Variants in LOXL1 observed in about 807,000 individuals in gnomAD.
LOXL1 encodes the protein lysyl oxidase homolog 1.
A neutral mutation model predicts 62.2 loss-of-function variants in LOXL1; 31 were observed. The ratio of observed to expected loss-of-function variants is 0.50; its 90% confidence interval spans 0.37 to 0.67. LOXL1 has a LOEUF of 0.67. Among genes scored for constraint, LOXL1 ranks in the 30% least tolerant of loss-of-function variants. LOXL1 has a pLI of 0.00. For missense variants in LOXL1, 775 were observed against 843.4 expected, an observed-to-expected ratio of 0.92 and a Z score of 1.00; for synonymous variants, 403 against 384.4, an observed-to-expected ratio of 1.05 and a Z score of -0.56.
rs866118845 is a variant in LOXL1 at position 73,926,896 on chromosome 15, G to A, written c.113G>A (p.Arg38His). The A allele has an allele frequency of 8.9e-6, 14 of 1,564,532 alleles. No individual in the cohort carries two copies. The African/African-American group carries it at 1.6e-4, about 18-fold the overall frequency. ...AQPGQGSDPA[R>H]WRQLIQWENN... ...CCCGGGCAGGGCTCGGACCCCGCCC[G>A]CTGGCGGCAGCTGATCCAGTGGGAG... is the stretch of plus-strand genomic sequence containing the variant. Residue 38 changes from arginine to histidine, a missense_variant, in exon 1 of 7, where the codon CGC (arginine) becomes CAC (histidine). By Grantham distance (29) the Arg-to-His change is conservative. Transcript: ENST00000261921.
chr15:73,942,989 G>T, intron 2 of LOXL1, 27 bp downstream of exon 2: 2 of 1,570,942 alleles, frequency 1.3e-6, no homozygotes, highest in Non-Finnish European at 1.8e-6. Flanking sequence ...GAAGTGTAGA[G>T]TGTTGGGATA....
At chr15:73,928,106 G>A (rs2068604903) in intron 1 of LOXL1, 1 of 413,480 alleles carries the variant, frequency 2.4e-6, no homozygotes. Context: ...AGTGCCAGGG[G>A]TTGGCCAGGC....
chr15:73,927,194 G>C lies in LOXL1; in HGVS notation c.411G>C (p.Thr137=). 2 of 1,574,788 alleles carry C rather than the reference G, an allele frequency of 1.3e-6. No individual in the cohort carries two copies. The highest frequency in any genetic ancestry group is 1.7e-6 in the Non-Finnish European group (2 of 1,165,432). ...NWREVAVGDS[T]GMARARTSVS... ...GCGAGGTGGCCGTCGGGGACAGCAC[G>C]GGCATGGCCCGGGCCCGCACCTCCG... Residue 137 remains threonine, a synonymous_variant, in exon 1 of 7, where the codon ACG becomes ACC. Transcript: ENST00000261921.
At chr15:73,939,339 G>GC (rs956576400) in intron 1 of LOXL1, among the ~76,000 whole-genome samples, 2 of 152,150 alleles carry the variant, frequency 1.3e-5, no homozygotes, top group Non-Finnish European at 2.9e-5. Flanking sequence ...TGAGGGTGAG[G>GC]CGGGGGGGCC....
At position 73,927,830 on chromosome 15, in the gene LOXL1, G is replaced by A; in HGVS notation, c.1047G>A (p.Ala349=). ...CGCCGGGTGGGGAGCGGAACGGCGC[G>A]CAGCAGGGCCGCCTCAGCGTGGGCA... The part of the protein sequence containing the change: ...TPPPGGERNG[A]QQGRLSVGSV... Residue 349 remains alanine, a synonymous_variant, in exon 1 of 7, where the codon GCG becomes GCA. Coordinates refer to ENST00000261921, the MANE Select transcript of LOXL1 (RefSeq NM_005576.4). 1.5e-6 allele frequency: 2 copies of A among 1,348,788 alleles called. No individual in the cohort carries two copies. The highest frequency in any genetic ancestry group is 1.9e-6 in the Non-Finnish European group (2 of 1,058,814). The allele number at this position is 1,348,788 out of a possible 1,614,324, so 83.6% of individuals were successfully genotyped here. A position where few individuals can be genotyped will look rare whatever the true frequency, so the allele number is the denominator to read the frequency against.
chr15:73,927,115 TGCGCGGCCAG>T lies in LOXL1; in HGVS notation c.340_349del (p.Gln114ThrfsTer310). ...CCGGGGCGCGTGGGCTCGGACACCG[TGCGCGGCCAG>T]GCGCGGCACCCATTCGGCTTTGGCC... On this transcript the variant is annotated frameshift_variant, in exon 1 of 7. Transcript: ENST00000261921. LOFTEE classifies it high-confidence loss of function. 2 of 1,360,466 alleles carry T rather than the reference TGCGCGGCCAG, an allele frequency of 1.5e-6. No homozygotes were observed. Among genetic ancestry groups the T allele is most frequent in the Non-Finnish European group, 1.9e-6 (2 of 1,050,384 alleles). The allele number at this position is 1,360,466 out of a possible 1,614,324, so 84.3% of individuals were successfully genotyped here.
intron 1 of LOXL1, among the ~76,000 whole-genome samples, chr15:73,931,076 G>T (rs2068632028): frequency 1.0e-5 from 1 of 99,940 alleles, no homozygotes; most frequent in Non-Finnish European, 2.1e-5. Flanking sequence ...TGAGCTGGGG[G>T]TCTTAGTGCC....
At chr15:73,949,676 T>A (rs1440637715) in intron 6 of LOXL1, 102 bp downstream of exon 6, 1 of 777,580 alleles carries the variant, frequency 1.3e-6, no homozygotes, top group African/African-American at 1.7e-5. Flanking sequence ...TTAGGTCACC[T>A]TGATGGCCGA....
At chr15:73,933,790 A>G (rs2068651740) in intron 1 of LOXL1, among the ~76,000 whole-genome samples, 1 of 152,270 alleles carries the variant, frequency 6.6e-6, no homozygotes, top group Non-Finnish European at 1.5e-5. Flanking sequence ...ACCTCCTTCC[A>G]ATTGCTGTGC....
chr15:73,946,858 G>T (rs13329465), intron 3 of LOXL1, among the ~76,000 whole-genome samples: 2,588 of 152,342 alleles, frequency 0.017, 70 homozygotes, highest in African/African-American at 0.06. Flanking sequence ...GGAAGTGAGG[G>T]GTCTAGAGCA....
At chr15:73,929,042 T>G (rs551951076) in intron 1 of LOXL1, among the ~76,000 whole-genome samples, 15 of 152,194 alleles carry the variant, frequency 9.9e-5, no homozygotes, top group Non-Finnish European at 1.6e-4. Context: ...GAAAGGCAGC[T>G]TCCACACATG....
intron 1 of LOXL1, among the ~76,000 whole-genome samples, chr15:73,932,764 C>T (rs1358187049): frequency 3.3e-5 from 5 of 152,246 alleles, no homozygotes; most frequent in Admixed American, 2.0e-4. Flanking sequence ...AGAAGTTAAG[C>T]GACTTGCCCT....
intron 2 of LOXL1, among the ~76,000 whole-genome samples, chr15:73,944,723 T>C (rs963086120): frequency 4.6e-5 from 7 of 152,202 alleles, no homozygotes; most frequent in African/African-American, 1.7e-4. Context: ...GCCTAGAACC[T>C]AGACCCTTAT....
At chr15:73,931,623 G>A (rs1204111943) in intron 1 of LOXL1, among the ~76,000 whole-genome samples, 1 of 152,018 alleles carries the variant, frequency 6.6e-6, no homozygotes, top group Non-Finnish European at 1.5e-5. Context: ...CTCCTTCTCT[G>A]TCCAGCCTCC....
intron 1 of LOXL1, among the ~76,000 whole-genome samples, chr15:73,937,081 TGAG>T (rs1164918703): frequency 6.6e-6 from 1 of 152,098 alleles, no homozygotes; most frequent in Non-Finnish European, 1.5e-5. Context: ...GCTTCCCCCC[TGAG>T]AAGGCCCCAG....
intron 1 of LOXL1, among the ~76,000 whole-genome samples, chr15:73,937,821 C>T (rs1395263279): frequency 3.3e-5 from 5 of 152,184 alleles, no homozygotes; most frequent in Admixed American, 6.5e-5. Context: ...TGGTGAGACC[C>T]GCCCCAGCCT....
At chr15:73,941,908 G>A (rs1186095800) in intron 1 of LOXL1, 7 of 219,648 alleles carry the variant, frequency 3.2e-5, no homozygotes, top group Non-Finnish European at 5.1e-5. Context: ...TGCCCAGGGA[G>A]GAAGGTGGAG....
At position 73,927,338 on chromosome 15, in the gene LOXL1, C is replaced by A. The variant is rs2141617602; in HGVS notation, c.555C>A (p.Val185=). ...QQFPYPQAPF[V]SQYENYDPAS... is the part of the protein sequence containing the mutation. The stretch of plus-strand genomic sequence containing the variant: ...TCCCCTACCCGCAGGCGCCCTTCGT[C>A]AGCCAGTACGAGAACTACGACCCCG... The change falls in exon 1 of 7, where the codon GTC becomes GTA. Residue 185 remains valine, a synonymous_variant. Transcript: ENST00000261921. 3 of 1,601,956 alleles carry A rather than the reference C, an allele frequency of 1.9e-6. No individual in the cohort carries two copies. The highest frequency in any genetic ancestry group is 2.2e-5 in the South Asian group (2 of 89,740).
intron 1 of LOXL1, among the ~76,000 whole-genome samples, chr15:73,933,724 A>G (rs1378173454): frequency 6.6e-6 from 1 of 152,238 alleles, no homozygotes; most frequent in Non-Finnish European, 1.5e-5. Context: ...AGTGGCTGAC[A>G]TGGGCAGGAG....
Sources: allele counts gnomAD v4.1 joint callset (sites outside exome capture counted in the v4.1 genomes callset), GRCh38; gene constraint gnomAD v4.1.1; transcripts MANE v1.5; gene names NCBI Gene and HGNC (gene_info 2026-07-23, HGNC 2026-07-21).